Variants in CALCOCO2 observed in about 807,000 individuals in gnomAD.
CALCOCO2 encodes calcium-binding and coiled-coil domain-containing protein 2.
In CALCOCO2, 42 loss-of-function variants were observed where a neutral mutation model predicts 62.5. The observed-to-expected ratio is 0.67, with a 90% CI of 0.53 to 0.87. CALCOCO2 has a LOEUF of 0.87. CALCOCO2 is among the 40% of genes least tolerant of loss of function. The probability of loss-of-function intolerance (pLI) is 0.00; values close to 1 mark genes in which losing one functional copy is unlikely to be tolerated. For synonymous variants in CALCOCO2, 167 were observed against 173.0 expected (o/e 0.97, Z 0.27); for missense variants, 456 against 515.0 (o/e 0.89, Z 1.11).
chr17:48,857,258 C>T (rs1006657429), intron 10 of CALCOCO2, among the ~76,000 whole-genome samples: 9 of 148,004 alleles, frequency 6.1e-5, no homozygotes, highest in African/African-American at 2.3e-4. Context: ...AGTGCGATGG[C>T]ACGATCTCAG....
intron 2 of CALCOCO2, among the ~76,000 whole-genome samples, chr17:48,847,034 C>T (rs1023985950): frequency 6.6e-6 from 1 of 152,084 alleles, no homozygotes; most frequent in African/African-American, 2.4e-5. Flanking sequence ...ATCCTTATGT[C>T]TTATGATTTA....
chr17:48,838,571 G>A (rs61648633), intron 1 of CALCOCO2, among the ~76,000 whole-genome samples: 17,220 of 151,908 alleles, frequency 0.11, 1,766 homozygotes, highest in African/African-American at 0.28. Context: ...AAAACTGGCC[G>A]GGCATGGTGG....
Position 48,860,443 on chromosome 17 carries a change from T to A in CALCOCO2, c.1138T>A (p.Tyr380Asn). ...QNPGLAYGNP[Y>N]SGIQESSSPS... ...TCCAGGACTTGCCTATGGAAACCCA[T>A]ATTCTGGTAAGACAACTTTCCCATT... The change falls in exon 11 of 13, where the codon TAT becomes AAT. Residue 380 changes from tyrosine to asparagine, a missense_variant. Around this residue, in one of 3 missense-constraint regions of CALCOCO2, gnomAD observed 172 missense variants for 210.3 expected, o/e 0.82. Transcript: ENST00000258947. 6.2e-7 allele frequency: 1 copy of A among 1,613,886 alleles called. No individual in the cohort carries two copies. The highest frequency in any genetic ancestry group is 8.5e-7 in the Non-Finnish European group (1 of 1,179,808).
chr17:48,862,413 G>T, intron 12 of CALCOCO2, 109 bp downstream of exon 12: 1 of 810,238 alleles, frequency 1.2e-6, no homozygotes, highest in Middle Eastern at 2.3e-4. Flanking sequence ...GATAACTCCA[G>T]AAGTCAGCTG....
intron 9 of CALCOCO2, among the ~76,000 whole-genome samples, chr17:48,854,559 C>T (rs2040184619): frequency 6.7e-6 from 1 of 148,624 alleles, no homozygotes; most frequent in African/African-American, 2.5e-5. Flanking sequence ...GCACCCGCCA[C>T]GATGCCCGGC....
intron 1 of CALCOCO2, among the ~76,000 whole-genome samples, chr17:48,839,670 C>CT (rs766846336): frequency 0.029 from 1,887 of 66,114 alleles, 207 homozygotes; most frequent in African/African-American, 0.081. Flanking sequence ...CTTTGCTTTG[C>CT]TTTTTTTTTT....
At chr17:48,858,847 G>A (rs186628447) in intron 10 of CALCOCO2, among the ~76,000 whole-genome samples, 44 of 151,662 alleles carry the variant, frequency 2.9e-4, no homozygotes, top group African/African-American at 1.0e-3. Flanking sequence ...GAGGTCAGGA[G>A]TTCAAGACCA....
chr17:48,835,479 C>T (rs1204363782), intron 1 of CALCOCO2, among the ~76,000 whole-genome samples: 1 of 152,152 alleles, frequency 6.6e-6, no homozygotes, highest in Non-Finnish European at 1.5e-5. Flanking sequence ...TGAGTCCCTT[C>T]TGGGAAGGTG....
rs56280364 is a variant in CALCOCO2, at chr17:48,845,371, CTGTGTGTGTGTGTGTGTG to C, written c.181-2659_181-2642del. ...TGTGTATTGCCTAATTAAATCCTCA[CTGTGTGTGTGTGTGTGTG>C]TGTGTGTGTGTGTGTGTGTGTGTGT... On this transcript the variant is annotated intron_variant, in intron 2 of 12. Transcript: ENST00000258947. Among the ~76,000 whole-genome samples, 196 of 116,272 alleles carry C rather than the reference CTGTGTGTGTGTGTGTGTG, an allele frequency of 1.7e-3. 1 individual carries two copies. In the Middle Eastern group the frequency reaches 0.018, roughly 11 times the overall value. 76.3% of individuals were successfully genotyped at this position (116,272 alleles called of 152,430 possible). A position where few individuals can be genotyped will look rare whatever the true frequency, so the allele number is the denominator to read the frequency against.
In CALCOCO2 at chr17:48,853,014, C is replaced by T. The variant is rs867493896; in HGVS notation, c.912+2C>T. On this transcript the variant is annotated splice_donor_variant, in intron 9 of 12. Transcript: ENST00000258947. LOFTEE classifies it low-confidence loss of function (GC_TO_GT_DONOR). ...ATGAAGAAACAACAGGAATTAATGG[C>T]ATGTCTGTCTTTGGATGGTTATGTG... The T allele has an allele frequency of 1.2e-6, 2 of 1,600,542 alleles. No homozygotes were observed. The highest frequency in any genetic ancestry group is 1.7e-6 in the Non-Finnish European group (2 of 1,167,684).
At chr17:48,835,739 TCTTTTCTTTTCTTTTC>T in intron 1 of CALCOCO2, among the ~76,000 whole-genome samples, 1 of 147,766 alleles carries the variant, frequency 6.8e-6, no homozygotes, top group African/African-American at 2.6e-5. Context: ...TCTTTTCTTT[TCTTTTCTTTTCTTTTC>T]TTTTTTTTTG....
chr17:48,843,449 C>A (rs967920461), intron 2 of CALCOCO2, among the ~76,000 whole-genome samples: 2 of 152,196 alleles, frequency 1.3e-5, no homozygotes, highest in Non-Finnish European at 2.9e-5. Flanking sequence ...AAATCAGACA[C>A]CATTCTCAAC....
chr17:48,839,606 C>T (rs2143583284), intron 1 of CALCOCO2: 1 of 151,556 alleles, frequency 6.6e-6, no homozygotes, highest in Middle Eastern at 3.4e-3. Context: ...GCCTCAGCCT[C>T]CCAAAGTGTT....
At chr17:48,841,321 T>C (rs1319846784) in intron 1 of CALCOCO2, among the ~76,000 whole-genome samples, 1 of 152,166 alleles carries the variant, frequency 6.6e-6, no homozygotes, top group Non-Finnish European at 1.5e-5. Context: ...TTTCCTAAAG[T>C]CATAGGGCTT....
chr17:48,840,626 G>A (rs2143588140), intron 1 of CALCOCO2, among the ~76,000 whole-genome samples: 1 of 152,256 alleles, frequency 6.6e-6, no homozygotes, highest in African/African-American at 2.4e-5. Context: ...AAACTCACTT[G>A]TCGAAATCCT....
intron 2 of CALCOCO2, among the ~76,000 whole-genome samples, chr17:48,844,926 A>G (rs1333503194): frequency 6.6e-6 from 1 of 152,056 alleles, no homozygotes; most frequent in Non-Finnish European, 1.5e-5. Flanking sequence ...ACTTAAGGTC[A>G]GGAGTTCAAG....
At chr17:48,858,048 A>AT (rs2040263704) in intron 10 of CALCOCO2, among the ~76,000 whole-genome samples, 1 of 138,804 alleles carries the variant, frequency 7.2e-6, no homozygotes, top group Non-Finnish European at 1.6e-5. Context: ...AGAATAGAAA[A>AT]TAGAATAGAA....
chr17:48,851,263 T>C, intron 6 of CALCOCO2, 86 bp downstream of exon 6: 1 of 807,766 alleles, frequency 1.2e-6, no homozygotes, highest in Non-Finnish European at 2.2e-6. Context: ...TTCTGGAATT[T>C]GTGAGAAAAC....
rs1567754273 is a variant in CALCOCO2, at chr17:48,848,436, TC to T, written c.400del (p.Leu134TrpfsTer26). The T allele has an allele frequency of 6.2e-7, 1 of 1,614,020 alleles. No individual in the cohort carries two copies. Among genetic ancestry groups the T allele is most frequent in the Non-Finnish European group, 8.5e-7 (1 of 1,179,926 alleles). On this transcript the variant is annotated frameshift_variant, in exon 4 of 13. Transcript: ENST00000258947. LOFTEE classifies it high-confidence loss of function. The part of the protein sequence containing the change: ...FQFRPENEED[I>X]LVVTTQGEVE... ...TTCCGTCCAGAAAATGAGGAAGACA[TC>T]CTGGTTGTTACCACTCAGGTTTGTA... is the stretch of plus-strand genomic sequence containing the variant.
Sources: gnomAD v4.1 joint callset for allele counts (sites outside exome capture counted in the v4.1 genomes callset) on GRCh38, gnomAD v4.1.1 for gene constraint, gnomAD v4.1.1 regional missense constraint, MANE v1.5 for transcripts, NCBI Gene and HGNC (gene_info 2026-07-23, HGNC 2026-07-21) for gene names.